The following GABBR2 variants were observed in gnomAD, a reference collection of about 807,000 sequenced individuals.
GABBR2 encodes gamma-aminobutyric acid type B receptor subunit 2.
In GABBR2, 23 loss-of-function variants were observed where a neutral mutation model predicts 105.6. That is an observed-to-expected ratio of 0.22 (90% CI 0.16 to 0.31). GABBR2 has a LOEUF of 0.31. Among genes scored for constraint, GABBR2 ranks in the 10% least tolerant of loss-of-function variants. GABBR2 has a pLI of 1.00. For synonymous variants in GABBR2, 478 were observed against 499.7 expected (o/e 0.96, Z 0.58); for missense variants, 734 against 1,245.5 (o/e 0.59, Z 6.18).
intron 18 of GABBR2, among the ~76,000 whole-genome samples, chr9:98,290,977 C>A (rs1171663458): frequency 6.6e-6 from 1 of 152,116 alleles, no homozygotes; most frequent in Non-Finnish European, 1.5e-5. Context: ...CTTGAATAAA[C>A]AAGGGAGATG....
intron 7 of GABBR2, among the ~76,000 whole-genome samples, chr9:98,422,857 C>T (rs533667378): frequency 2.0e-5 from 3 of 149,160 alleles, no homozygotes; most frequent in South Asian, 2.1e-4. Context: ...TGAGAACATG[C>T]GGTGTTTGGT....
chr9:98,351,301 A>G (rs1368386501), intron 13 of GABBR2, among the ~76,000 whole-genome samples: 2 of 152,078 alleles, frequency 1.3e-5, no homozygotes, highest in Non-Finnish European at 2.9e-5. Context: ...ATTGTGTTGT[A>G]TATCCTTTGT....
At chr9:98,485,436 C>T (rs913180157) in intron 4 of GABBR2, among the ~76,000 whole-genome samples, 2 of 152,084 alleles carry the variant, frequency 1.3e-5, no homozygotes, top group Non-Finnish European at 2.9e-5. Flanking sequence ...GACCCTGTCT[C>T]ATCCCTCATC....
chr9:98,370,477 C>T (rs555509005), intron 12 of GABBR2, among the ~76,000 whole-genome samples: 33 of 152,228 alleles, frequency 2.2e-4, no homozygotes, highest in African/African-American at 7.9e-4. Flanking sequence ...AATTCCAACT[C>T]TGGAGGGGTT....
intron 1 of GABBR2, among the ~76,000 whole-genome samples, chr9:98,666,040 C>A (rs1412123846): frequency 6.6e-6 from 1 of 152,184 alleles, no homozygotes; most frequent in Non-Finnish European, 1.5e-5. Flanking sequence ...CATAACATCA[C>A]CTCAAACCAA....
intron 1 of GABBR2, chr9:98,606,904 A>T: frequency 3.2e-6 from 2 of 625,100 alleles, no homozygotes; most frequent in Non-Finnish European, 5.8e-6. Flanking sequence ...GATCCACATG[A>T]ATTCCTAGGC....
chr9:98,450,201 T>C (rs1455057969), intron 7 of GABBR2, among the ~76,000 whole-genome samples: 1 of 152,174 alleles, frequency 6.6e-6, no homozygotes, highest in Non-Finnish European at 1.5e-5. Context: ...GAAAAATGGA[T>C]ACTGTGTGTG....
intron 13 of GABBR2, among the ~76,000 whole-genome samples, chr9:98,331,897 A>G (rs1457793548): frequency 1.3e-5 from 2 of 152,242 alleles, no homozygotes; most frequent in Non-Finnish European, 2.9e-5. Flanking sequence ...CAACCTGCTC[A>G]TGCCTAGAAG....
intron 1 of GABBR2, among the ~76,000 whole-genome samples, chr9:98,589,257 G>A (rs376907309): frequency 9.2e-5 from 14 of 152,178 alleles, no homozygotes; most frequent in African/African-American, 2.9e-4. Flanking sequence ...CAGACCCACC[G>A]CACAGTCTGA....
At chr9:98,595,793 G>A (rs909397694) in intron 1 of GABBR2, among the ~76,000 whole-genome samples, 3 of 152,176 alleles carry the variant, frequency 2.0e-5, no homozygotes, top group Admixed American at 6.5e-5. Context: ...TATTTATAAG[G>A]AAATGAGTTG....
In GABBR2 at chr9:98,704,752, T is replaced by C. The variant is rs536293455; in HGVS notation, c.321+3665A>G. On this transcript the variant is annotated intron_variant, in intron 1 of 18. Coordinates refer to ENST00000259455, the MANE Select transcript of GABBR2 (RefSeq NM_005458.8). ...TCAGCTTTTCCACAATGAACATTAA[T>C]CAAATTGAAAAAAAATATCTTTAAC... Among the ~76,000 whole-genome samples the C allele has an allele frequency of 1.3e-4, 9 of 71,742 alleles. No homozygotes were observed. The East Asian group carries it at 3.9e-3, about 31-fold the overall frequency. The allele number at this position is 71,742 out of a possible 152,430, so 47.1% of individuals were successfully genotyped here.
At chr9:98,455,885 G>A (rs1029653903) in intron 6 of GABBR2, among the ~76,000 whole-genome samples, 2 of 152,194 alleles carry the variant, frequency 1.3e-5, no homozygotes, top group African/African-American at 2.4e-5. Context: ...TCCTGGCCGG[G>A]AGTCTGCCTC....
intron 12 of GABBR2, among the ~76,000 whole-genome samples, 190 bp downstream of exon 12, chr9:98,371,255 CATGTCCCCAGCCAGCCCTG>C (rs1831777234): frequency 1.3e-5 from 2 of 152,188 alleles, no homozygotes; most frequent in South Asian, 2.1e-4. Context: ...GCACCCCCCA[CATGTCCCCAGCCAGCCCTG>C]ATAACTGTGT....
intron 2 of GABBR2, among the ~76,000 whole-genome samples, chr9:98,550,122 GCC>G (rs1467956046): frequency 6.6e-5 from 10 of 152,104 alleles, no homozygotes; most frequent in Admixed American, 5.9e-4. Context: ...TAGTATAACT[GCC>G]CCCCACCCAT....
chr9:98,457,690 T>C (rs1172539702), intron 6 of GABBR2, among the ~76,000 whole-genome samples: 3 of 152,188 alleles, frequency 2.0e-5, no homozygotes, highest in African/African-American at 7.2e-5. Context: ...ACCTCAGTTC[T>C]TGCTGTCTTT....
At chr9:98,698,990 A>G (rs1830792499) in intron 1 of GABBR2, among the ~76,000 whole-genome samples, 1 of 152,126 alleles carries the variant, frequency 6.6e-6, no homozygotes, top group Admixed American at 6.6e-5. Flanking sequence ...TCCAGGGAAC[A>G]TATTTTCTCA....
At chr9:98,705,648 T>C (rs1830883087) in intron 1 of GABBR2, among the ~76,000 whole-genome samples, 1 of 152,222 alleles carries the variant, frequency 6.6e-6, no homozygotes, top group African/African-American at 2.4e-5. Context: ...ACTCTAACAC[T>C]AGCCACAAAC....
At chr9:98,603,602 C>T (rs1240470488) in intron 1 of GABBR2, among the ~76,000 whole-genome samples, 1 of 152,138 alleles carries the variant, frequency 6.6e-6, no homozygotes, top group Non-Finnish European at 1.5e-5. Flanking sequence ...ATTTTTGCCT[C>T]CCACCCTGGG....
intron 1 of GABBR2, chr9:98,607,576 A>G (rs74498704): frequency 0.038 from 26,029 of 678,052 alleles, 606 homozygotes; most frequent in Non-Finnish European, 0.048. Flanking sequence ...GGTAGGTAGT[A>G]ATACTATCAT....
Sources: allele counts gnomAD v4.1 joint callset (sites outside exome capture counted in the v4.1 genomes callset), GRCh38; gene constraint gnomAD v4.1.1; transcripts MANE v1.5; gene names NCBI Gene and HGNC (gene_info 2026-07-23, HGNC 2026-07-21).